MS4A6A: variants seen among roughly 807,000 people sequenced by gnomAD.
The protein encoded by MS4A6A is membrane-spanning 4-domains subfamily A member 6A.
MS4A6A carries 19 observed loss-of-function variants against 20.6 expected under a neutral mutation model. The observed-to-expected ratio is 0.92, with a 90% confidence interval of 0.64 to 1.36. The LOEUF (loss-of-function observed/expected upper bound fraction) is 1.36, where lower values mean the gene tolerates loss of function less well. Among genes scored for constraint, MS4A6A ranks in the 40% most tolerant of loss-of-function variants. The pLI is 0.00. For synonymous variants in MS4A6A, 108 were observed against 105.0 expected (o/e 1.03, Z -0.17); for missense variants, 272 against 261.1 (o/e 1.04, Z -0.29).
In MS4A6A at chr11:60,172,818, C is replaced by T; in HGVS notation, c.*183G>A. The stretch of plus-strand genomic sequence containing the variant: ...GAATCAGTTGATTTCTCATGATTAA[C>T]TATTTTCATATCCAGTGAATTTTCA... On this transcript the variant is annotated 3_prime_UTR_variant, in exon 6 of 6. Coordinates refer to ENST00000528851, the MANE Select transcript of MS4A6A (RefSeq NM_022349.4). 1 of 1,388,550 alleles carries T rather than the reference C, an allele frequency of 7.2e-7. No individual in the cohort carries two copies. 86.0% of individuals were successfully genotyped at this position (1,388,550 alleles called of 1,614,324 possible). A position where few individuals can be genotyped will look rare whatever the true frequency, so the allele number is the denominator to read the frequency against.
downstream of MS4A6A, chr11:60,172,319 C>T: frequency 1.3e-6 from 2 of 1,581,080 alleles, no homozygotes; most frequent in Non-Finnish European, 1.7e-6. Context: ...GTATATATGC[C>T]ATTTTTCCAA....
chr11:60,181,776 G>T, intron 1 of MS4A6A, 35 bp from the exon 2 acceptor site: 2 of 1,604,612 alleles, frequency 1.2e-6, no homozygotes, highest in Non-Finnish European at 1.7e-6. Flanking sequence ...CTCTTAAAAA[G>T]TACAGAGCTC....
chr11:60,178,287 G>C lies in MS4A6A; in HGVS notation c.312C>G (p.Ala104=), dbSNP rs577784815. 6 of 1,613,558 alleles carry C rather than the reference G, an allele frequency of 3.7e-6. No individual in the cohort carries two copies. In the South Asian group the frequency reaches 6.6e-5, roughly 18 times the overall value. The change falls in exon 4 of 6, where the codon GCC becomes GCG. Residue 104 remains alanine (A), a synonymous_variant. Coordinates refer to ENST00000528851, the MANE Select transcript of MS4A6A (RefSeq NM_022349.4). ...AAAGCTTGGTTAACCTTTTCTCTGT[G>C]GCGATTGATAGAGAGCCAGAGATGA... ...FFIISGSLSI[A]TEKRLTKLLV...
chr11:60,183,418 G>A (rs1014086290), upstream of MS4A6A: 5 of 496,798 alleles, frequency 1.0e-5, no homozygotes, highest in African/African-American at 7.8e-5. Flanking sequence ...CTGCTTTGAA[G>A]CTTTCAATAA....
At chr11:60,180,197 G>T in intron 2 of MS4A6A, 2 of 562,464 alleles carry the variant, frequency 3.6e-6, no homozygotes, top group South Asian at 4.7e-5. Flanking sequence ...GAAGGCTTCT[G>T]CATTTCTGCC....
At chr11:60,177,517 A>C (rs1856902607) in intron 4 of MS4A6A, 3 of 151,906 alleles carry the variant, frequency 2.0e-5, no homozygotes, top group Admixed American at 2.0e-4. Context: ...TTCCAACTCT[A>C]GTTTTTGCTG....
chr11:60,176,612 C>T (rs551028076), intron 4 of MS4A6A, among the ~76,000 whole-genome samples: 12 of 152,300 alleles, frequency 7.9e-5, no homozygotes, highest in African/African-American at 2.6e-4. Context: ...ATGGGCACTT[C>T]TTCTTTTAGG....
rs1249771324 is a variant in MS4A6A at position 60,181,699 on chromosome 11, G to T, written c.29C>A (p.Thr10Asn). The T allele has an allele frequency of 1.2e-6, 2 of 1,613,908 alleles. No individual in the cohort carries two copies. Among genetic ancestry groups the T allele is most frequent in the South Asian group, 2.2e-5 (2 of 91,084 alleles). Reference protein sequence around the residue: MTSQPVPNETIIVLPSNVIN... With the variant: MTSQPVPNENIIVLPSNVIN... Reference sequence around the variant, plus strand: ...GACATTTGATGGGAGCACTATGATGGTCTCATTGGGAACAGGTTGTGATGT... The same window carrying T: ...GACATTTGATGGGAGCACTATGATGTTCTCATTGGGAACAGGTTGTGATGT... The change falls in exon 2 of 6, where the codon ACC becomes AAC. Residue 10 changes from threonine to asparagine, a missense_variant. By Grantham distance (65) the Thr-to-Asn change is moderately conservative (BLOSUM62 0). Coordinates refer to ENST00000528851, the MANE Select transcript of MS4A6A (RefSeq NM_022349.4).
chr11:60,180,016 C>G (rs747293288), intron 2 of MS4A6A, 51 bp from the exon 3 acceptor site: 1 of 1,590,004 alleles, frequency 6.3e-7, no homozygotes, highest in Non-Finnish European at 8.6e-7. Context: ...TTTGTAAAGA[C>G]AGGGCCTTTT....
At chr11:60,181,510 A>T in intron 2 of MS4A6A, 71 bp downstream of exon 2, 1 of 1,579,280 alleles carries the variant, frequency 6.3e-7, no homozygotes, top group Admixed American at 1.7e-5. Context: ...ACAGATGTCC[A>T]GTCCCAAGAC....
At chr11:60,177,286 G>T (rs1856890011) in intron 4 of MS4A6A, 1 of 152,030 alleles carries the variant, frequency 6.6e-6, no homozygotes. Context: ...AAAAGAATTG[G>T]CATTTTTCTG....
upstream of MS4A6A, chr11:60,184,152 T>G (rs1357560229): frequency 6.6e-6 from 1 of 151,952 alleles, no homozygotes; most frequent in Non-Finnish European, 1.5e-5. Context: ...AAGAAAGGAG[T>G]TAAGAAGCAC....
At chr11:60,179,434 TG>T (rs897076232) in intron 3 of MS4A6A, 22 of 507,138 alleles carry the variant, frequency 4.3e-5, no homozygotes, top group African/African-American at 1.9e-4. Context: ...CCCACAAGCA[TG>T]GGGGGGATAA....
chr11:60,175,162 C>G (rs758050318), intron 5 of MS4A6A, among the ~76,000 whole-genome samples: 2 of 151,392 alleles, frequency 1.3e-5, no homozygotes, highest in Non-Finnish European at 2.9e-5. Context: ...TTAAGAACCT[C>G]TACAAACAGT....
intron 2 of MS4A6A, 104 bp from the exon 3 acceptor site, chr11:60,180,069 T>A (rs1406321071): frequency 8.6e-7 from 1 of 1,156,128 alleles, no homozygotes; most frequent in Non-Finnish European, 1.2e-6. Context: ...TTCTGCAAGA[T>A]CCTAATGAGG....
At chr11:60,182,005 G>A (rs1158213655) in intron 1 of MS4A6A, among the ~76,000 whole-genome samples, 1 of 152,144 alleles carries the variant, frequency 6.6e-6, no homozygotes, top group African/African-American at 2.4e-5. Context: ...ATGTCCAGAG[G>A]CAAATGGTCA....
chr11:60,181,697 T>C lies in MS4A6A; in HGVS notation c.31A>G (p.Ile11Val), dbSNP rs141125435. The C allele has an allele frequency of 1.1e-5, 18 of 1,614,018 alleles. No homozygotes were observed. In the African/African-American group the frequency reaches 1.9e-4, roughly 17 times the overall value. The change falls in exon 2 of 6, where the codon ATC (isoleucine) becomes GTC (valine). Residue 11 changes from isoleucine (I) to valine (V), a missense_variant. By Grantham distance (29) the Ile-to-Val change is conservative. Coordinates refer to ENST00000528851, the MANE Select transcript of MS4A6A (RefSeq NM_022349.4). The stretch of plus-strand genomic sequence containing the variant: ...ATGACATTTGATGGGAGCACTATGA[T>C]GGTCTCATTGGGAACAGGTTGTGAT... MTSQPVPNETIIVLPSNVINF... is the reference protein window; with the variant it reads MTSQPVPNETVIVLPSNVINF...
chr11:60,175,754 G>A (rs539954967), intron 4 of MS4A6A, 143 bp from the exon 5 acceptor site: 5 of 809,850 alleles, frequency 6.2e-6, no homozygotes, highest in African/African-American at 3.5e-5. Context: ...TGCCTCTCCA[G>A]TGTCCAGCAA....
intron 3 of MS4A6A, among the ~76,000 whole-genome samples, chr11:60,179,214 C>T (rs954800664): frequency 6.6e-6 from 1 of 152,144 alleles, no homozygotes; most frequent in African/African-American, 2.4e-5. Flanking sequence ...GGGAAACTTA[C>T]CTATGAGAAA....
Sources: allele counts gnomAD v4.1 joint callset (sites outside exome capture counted in the v4.1 genomes callset), GRCh38; gene constraint gnomAD v4.1.1; transcripts MANE v1.5; gene names NCBI Gene and HGNC (gene_info 2026-07-23, HGNC 2026-07-21).